TAFA1: variants seen among roughly 807,000 people sequenced by gnomAD.
TAFA1 encodes chemokine-like protein TAFA-1.
TAFA1 carries 4 observed loss-of-function variants against 18.5 expected under a neutral mutation model. The observed-to-expected ratio is 0.22, with a 90% CI of 0.11 to 0.49. The LOEUF (loss-of-function observed/expected upper bound fraction) is 0.49. Among genes scored for constraint, TAFA1 ranks in the 20% least tolerant of loss-of-function variants. TAFA1 has a pLI of 0.98. For missense variants in TAFA1, 147 were observed against 169.0 expected (o/e 0.87, Z 0.72); for synonymous variants, 56 against 55.2 (o/e 1.01, Z -0.06).
chr3:68,475,002 G>A (rs570415835), intron 3 of TAFA1, among the ~76,000 whole-genome samples: 24 of 151,894 alleles, frequency 1.6e-4, no homozygotes, highest in Admixed American at 4.6e-4. Flanking sequence ...AGCTAAGATC[G>A]TACTTCTTTA....
At chr3:68,173,947 G>T (rs769438164) in intron 2 of TAFA1, among the ~76,000 whole-genome samples, 3 of 151,894 alleles carry the variant, frequency 2.0e-5, no homozygotes, top group Non-Finnish European at 2.9e-5. Flanking sequence ...GCATATTTTG[G>T]GACATGAATC....
intron 2 of TAFA1, among the ~76,000 whole-genome samples, chr3:68,011,362 G>T (rs1704467766): frequency 6.6e-6 from 1 of 152,082 alleles, no homozygotes; most frequent in Non-Finnish European, 1.5e-5. Flanking sequence ...GAATAGAGTT[G>T]TCTGTGTAAT....
At chr3:68,268,418 G>T (rs979829085) in intron 2 of TAFA1, among the ~76,000 whole-genome samples, 34 of 152,086 alleles carry the variant, frequency 2.2e-4, no homozygotes, top group African/African-American at 8.2e-4. Context: ...TGGGTGTGGA[G>T]ACATGGATGG....
intron 3 of TAFA1, among the ~76,000 whole-genome samples, chr3:68,479,229 C>CAAAAAAA (rs764971674): frequency 6.2e-5 from 6 of 97,516 alleles, no homozygotes; most frequent in South Asian, 3.1e-4. Context: ...GACTCCATCT[C>CAAAAAAA]AAAAAAAAAA....
At position 68,457,697 on chromosome 3, in the gene TAFA1, A is replaced by T. The variant is rs189201411; in HGVS notation, c.259+40277A>T. 7.4e-4 allele frequency among the ~76,000 whole-genome samples: 113 copies of T among 152,266 alleles called. 1 individual carries two copies. The highest frequency in any genetic ancestry group is 7.4e-3 in the Admixed American group (113 of 15,284). ...TTAGCAATTTTCAAAAATATAATAC[A>T]TTGTCATTAACTATAATCAACATGT... On this transcript the variant is annotated intron_variant, in intron 3 of 4. Coordinates refer to ENST00000478136, the MANE Select transcript of TAFA1 (RefSeq NM_213609.4).
At chr3:68,461,282 AAAACAAACAAACAAAC>A (rs3037407) in intron 3 of TAFA1, among the ~76,000 whole-genome samples, 1 of 140,148 alleles carries the variant, frequency 7.1e-6, no homozygotes, top group African/African-American at 2.7e-5. Flanking sequence ...ACTCTGCCAA[AAAACAAACAAACAAAC>A]AAACAAACAA....
intron 3 of TAFA1, among the ~76,000 whole-genome samples, chr3:68,489,492 T>C (rs1402121723): frequency 6.6e-6 from 1 of 152,248 alleles, no homozygotes; most frequent in Admixed American, 6.5e-5. Context: ...TGATTTTCAA[T>C]GTTCACTCTG....
At chr3:68,256,914 C>T (rs1435094601) in intron 2 of TAFA1, among the ~76,000 whole-genome samples, 8 of 152,106 alleles carry the variant, frequency 5.3e-5, no homozygotes, top group East Asian at 1.9e-4. Flanking sequence ...CTCTTTTCCA[C>T]ACGGCAGCCA....
intron 3 of TAFA1, among the ~76,000 whole-genome samples, chr3:68,436,986 G>C (rs1216202724): frequency 6.6e-6 from 1 of 152,028 alleles, no homozygotes; most frequent in African/African-American, 2.4e-5. Flanking sequence ...TTATAAAAGA[G>C]CAAATGTAAC....
chr3:68,427,646 A>C (rs1156382571), intron 3 of TAFA1, among the ~76,000 whole-genome samples: 2 of 151,718 alleles, frequency 1.3e-5, no homozygotes, highest in Admixed American at 6.6e-5. Flanking sequence ...AATTTTTGAA[A>C]ACCTACCACC....
chr3:68,003,142 G>T (rs148440109), upstream of TAFA1, among the ~76,000 whole-genome samples: 2,492 of 152,290 alleles, frequency 0.016, 73 homozygotes, highest in African/African-American at 0.057. Context: ...TTAGAGAACA[G>T]TTGTTATGTT....
chr3:68,173,698 ACT>A (rs1307566777), intron 2 of TAFA1, among the ~76,000 whole-genome samples: 4 of 152,036 alleles, frequency 2.6e-5, no homozygotes, highest in African/African-American at 9.7e-5. Context: ...CTCAGTATTA[ACT>A]CTGATATTTC....
intron 2 of TAFA1, among the ~76,000 whole-genome samples, chr3:68,143,213 G>A (rs1265662731): frequency 1.3e-5 from 2 of 152,140 alleles, no homozygotes; most frequent in Non-Finnish European, 2.9e-5. Context: ...CCCTGTGGTA[G>A]GTCCTGGAAG....
At chr3:68,380,047 T>C (rs999385394) in intron 2 of TAFA1, among the ~76,000 whole-genome samples, 2 of 152,078 alleles carry the variant, frequency 1.3e-5, no homozygotes, top group African/African-American at 2.4e-5. Flanking sequence ...AATAGTTTGT[T>C]GAGAATGATG....
At chr3:68,470,935 C>G (rs755824034) in intron 3 of TAFA1, among the ~76,000 whole-genome samples, 1 of 152,170 alleles carries the variant, frequency 6.6e-6, no homozygotes, top group Admixed American at 6.5e-5. Flanking sequence ...CCTACCACCA[C>G]AGACCTGGAA....
intron 2 of TAFA1, among the ~76,000 whole-genome samples, chr3:68,378,949 A>C (rs1235274239): frequency 6.6e-6 from 1 of 152,178 alleles, no homozygotes; most frequent in Non-Finnish European, 1.5e-5. Flanking sequence ...CTGTAAGTCA[A>C]TTAAGCCTCT....
Position 68,102,944 on chromosome 3 carries a change from A to T in TAFA1, c.118+96200A>T, listed in dbSNP as rs144237748. On this transcript the variant is annotated intron_variant, in intron 2 of 4. Coordinates refer to ENST00000478136, the MANE Select transcript of TAFA1 (RefSeq NM_213609.4). The stretch of plus-strand genomic sequence containing the variant: ...ACCCAAATCATGTTCTGGGTACTGG[A>T]GACCCTAGGATTCTCAGCATAAGTG... Among the ~76,000 whole-genome samples the T allele has an allele frequency of 1.8e-4, 28 of 152,278 alleles. No homozygotes were observed. The East Asian group carries it at 5.2e-3, about 28-fold the overall frequency.
intron 2 of TAFA1, among the ~76,000 whole-genome samples, chr3:68,056,835 G>A (rs371225319): frequency 4.3e-4 from 65 of 152,270 alleles, no homozygotes; most frequent in African/African-American, 1.4e-3. Context: ...GCTTAAGTAT[G>A]CAGACATTGG....
At chr3:68,247,416 T>C (rs1315226043) in intron 2 of TAFA1, 2 of 152,230 alleles carry the variant, frequency 1.3e-5, no homozygotes, top group Non-Finnish European at 2.9e-5. Flanking sequence ...CCAGCAGACC[T>C]GCTCAAGTGG....
Sources: allele counts gnomAD v4.1 joint callset (sites outside exome capture counted in the v4.1 genomes callset), GRCh38; gene constraint gnomAD v4.1.1; transcripts MANE v1.5; gene names NCBI Gene and HGNC (gene_info 2026-07-23, HGNC 2026-07-21).